Variants in SLC1A6 observed in about 807,000 individuals in gnomAD.
SLC1A6 encodes excitatory amino acid transporter 4.
SLC1A6 carries 15 observed loss-of-function variants against 42.1 expected under a neutral mutation model. The observed-to-expected ratio is 0.36, with a 90% CI of 0.24 to 0.55. SLC1A6 has a LOEUF of 0.55. SLC1A6 is among the 20% of genes least tolerant of loss of function. SLC1A6 has a pLI of 0.88. For missense variants in SLC1A6, 542 were observed against 772.5 expected, an observed-to-expected ratio of 0.70 and a Z score of 3.54; for synonymous variants, 317 against 319.7, an observed-to-expected ratio of 0.99 and a Z score of 0.09.
intron 6 of SLC1A6, among the ~76,000 whole-genome samples, chr19:14,956,985 C>G (rs1044831846): frequency 6.6e-6 from 1 of 152,254 alleles, no homozygotes; most frequent in Non-Finnish European, 1.5e-5. Flanking sequence ...TCAGGTCTCT[C>G]CTGTACCTAC....
Position 14,972,730 on chromosome 19 carries a change from G to A in SLC1A6, c.181C>T (p.Leu61=). 6.2e-7 allele frequency: 1 copy of A among 1,614,014 alleles called. No individual in the cohort carries two copies. Among genetic ancestry groups the A allele is most frequent in the African/African-American group, 1.3e-5 (1 of 75,076 alleles). Residue 61 remains leucine, a synonymous_variant, in exon 2 of 10, where the codon CTG becomes TTG. Transcript: ENST00000594383. The part of the protein sequence containing the change: ...RFLRRNAFIL[L]TVSAVVIGVS... ...CCAATGACCACGGCGCTGACCGTCA[G>A]CAGAATGAAGGCGTTTCGGCGCAGG... is the stretch of plus-strand genomic sequence containing the variant.
At chr19:14,994,379 G>A (rs1387159589) in intron 1 of SLC1A6, among the ~76,000 whole-genome samples, 1 of 152,076 alleles carries the variant, frequency 6.6e-6, no homozygotes, top group Non-Finnish European at 1.5e-5. Flanking sequence ...AGTAGTAACA[G>A]CTCCCTCCCC....
chr19:14,988,407 G>A (rs2045803004), intron 1 of SLC1A6, among the ~76,000 whole-genome samples: 1 of 152,160 alleles, frequency 6.6e-6, no homozygotes, highest in Non-Finnish European at 1.5e-5. Flanking sequence ...CCAAGATGAT[G>A]GTGCTTCTGC....
intron 3 of SLC1A6, among the ~76,000 whole-genome samples, chr19:14,968,952 G>A (rs1162860932): frequency 6.6e-6 from 1 of 151,948 alleles, no homozygotes; most frequent in Non-Finnish European, 1.5e-5. Context: ...CAATTCTGCT[G>A]CCTCAGCCTT....
At chr19:14,999,616 C>T (rs963136094) in intron 1 of SLC1A6, among the ~76,000 whole-genome samples, 19 of 152,190 alleles carry the variant, frequency 1.2e-4, no homozygotes, top group African/African-American at 4.3e-4. Flanking sequence ...CATTATCTCA[C>T]ATACTTATCA....
At chr19:14,972,432 AAAGT>A (rs1350475833) in intron 2 of SLC1A6, among the ~76,000 whole-genome samples, 3 of 108,590 alleles carry the variant, frequency 2.8e-5, no homozygotes. Flanking sequence ...TGTGCATAGT[AAAGT>A]GTTTGTACAT....
At chr19:14,968,953 C>T (rs1423331972) in intron 3 of SLC1A6, among the ~76,000 whole-genome samples, 1 of 152,104 alleles carries the variant, frequency 6.6e-6, no homozygotes, top group East Asian at 1.9e-4. Flanking sequence ...AATTCTGCTG[C>T]CTCAGCCTTC....
At chr19:14,972,435 GTGTT>G (rs1412110005) in intron 2 of SLC1A6, among the ~76,000 whole-genome samples, 3 of 34,252 alleles carry the variant, frequency 8.8e-5, no homozygotes, top group Non-Finnish European at 1.3e-4. Flanking sequence ...GCATAGTAAA[GTGTT>G]TGTACATTGT....
At chr19:14,960,498 A>C (rs1056908094) in intron 6 of SLC1A6, among the ~76,000 whole-genome samples, 1 of 152,256 alleles carries the variant, frequency 6.6e-6, no homozygotes, top group Non-Finnish European at 1.5e-5. Flanking sequence ...TAAGTGAATA[A>C]ATTGGTGAAT....
At chr19:14,996,003 A>C (rs2045844414) in intron 1 of SLC1A6, among the ~76,000 whole-genome samples, 1 of 152,228 alleles carries the variant, frequency 6.6e-6, no homozygotes, top group African/African-American at 2.4e-5. Flanking sequence ...TGTTCATTGC[A>C]GAAAATCTGA....
At position 14,954,304 on chromosome 19, in the gene SLC1A6, G is replaced by T; in HGVS notation, c.1195C>A (p.Arg399Ser). 1 of 1,610,642 alleles carries T rather than the reference G, an allele frequency of 6.2e-7. No individual in the cohort carries two copies. Residue 399 changes from arginine (R) to serine (S), a missense_variant, in exon 8 of 10, where the codon CGC (arginine) becomes AGC (serine). Transcript: ENST00000594383. The part of the protein sequence containing the change: ...SSSATLPITF[R>S]CLEEGLGVDR... ...ACACCCAGGCCCTCCTCCAGGCAGC[G>T]GAAGGTGATGGGCAGCGTTGCCGAG...
At chr19:15,010,183 G>GAA (rs34036436) in intron 1 of SLC1A6, among the ~76,000 whole-genome samples, 74 of 73,892 alleles carry the variant, frequency 1.0e-3, no homozygotes, top group East Asian at 3.2e-3. Flanking sequence ...AAGACTCTAT[G>GAA]AAAAAAAAAA....
intron 1 of SLC1A6, among the ~76,000 whole-genome samples, chr19:14,975,835 G>A (rs987425506): frequency 2.1e-5 from 3 of 145,402 alleles, no homozygotes; most frequent in Non-Finnish European, 4.5e-5. Context: ...GGGAAGGGAA[G>A]GGAAGGGGAC....
In SLC1A6 at chr19:14,950,190, G is replaced by GCCC. The variant is rs764945720; in HGVS notation, c.*2_*4dup. ...CCTCTCTGGGGGGGCAGAGCTGGAGGCCCCTCACATAGCACTCTCGTTGCC... is the reference window on the plus strand; with the variant it reads ...CCTCTCTGGGGGGGCAGAGCTGGAGGCCCCCCCTCACATAGCACTCTCGTTGCC... On this transcript the variant is annotated 3_prime_UTR_variant, in exon 10 of 10. Transcript: ENST00000594383. The GCCC allele has an allele frequency of 2.0e-6, 3 of 1,531,178 alleles. No individual in the cohort carries two copies. The highest frequency in any genetic ancestry group is 2.6e-6 in the Non-Finnish European group (3 of 1,132,766). The allele number at this position is 1,531,178 out of a possible 1,614,324, so 94.8% of individuals were successfully genotyped here.
chr19:14,994,912 C>A (rs2045837725), intron 1 of SLC1A6, among the ~76,000 whole-genome samples: 1 of 152,152 alleles, frequency 6.6e-6, no homozygotes, highest in African/African-American at 2.4e-5. Context: ...CTGCCATTTG[C>A]AACCACATGG....
At chr19:14,963,091 G>A (rs1328693435) in intron 5 of SLC1A6, among the ~76,000 whole-genome samples, 2 of 152,134 alleles carry the variant, frequency 1.3e-5, no homozygotes, top group African/African-American at 4.8e-5. Context: ...AGAACATGTG[G>A]TATACATATA....
At chr19:15,010,029 G>T (rs1232160600) in intron 1 of SLC1A6, among the ~76,000 whole-genome samples, 1 of 144,710 alleles carries the variant, frequency 6.9e-6, no homozygotes, top group Admixed American at 6.9e-5. Context: ...AAAAAAAAAT[G>T]CAAAAAATTA....
intron 1 of SLC1A6, among the ~76,000 whole-genome samples, chr19:15,000,908 T>C (rs2045869117): frequency 6.6e-6 from 1 of 152,200 alleles, no homozygotes; most frequent in African/African-American, 2.4e-5. Flanking sequence ...ACATATCTTT[T>C]TCTGAGAGGC....
At chr19:15,009,878 C>G (rs1444659573) in intron 1 of SLC1A6, among the ~76,000 whole-genome samples, 1 of 151,906 alleles carries the variant, frequency 6.6e-6, no homozygotes, top group African/African-American at 2.4e-5. Context: ...TATGAAGACA[C>G]GAAAGAAAAT....
Sources: allele counts gnomAD v4.1 joint callset (sites outside exome capture counted in the v4.1 genomes callset), GRCh38; gene constraint gnomAD v4.1.1; transcripts MANE v1.5; gene names NCBI Gene and HGNC (gene_info 2026-07-23, HGNC 2026-07-21).